The following IGF1R variants were observed in gnomAD, a reference collection of about 807,000 sequenced individuals.
IGF1R encodes the protein insulin-like growth factor 1 receptor.
In IGF1R, 44 loss-of-function variants were observed where a neutral mutation model predicts 144.6. The ratio of observed to expected loss-of-function variants is 0.30; its 90% CI spans 0.24 to 0.39. IGF1R has a LOEUF of 0.39. Ranked by LOEUF, IGF1R falls within the 10% of genes least tolerant of loss-of-function variation. The probability of loss-of-function intolerance (pLI) is 1.00; values close to 1 mark genes in which losing one functional copy is unlikely to be tolerated. For missense variants in IGF1R, 1,355 were observed against 1,833.7 expected (o/e 0.74, Z 4.77); for synonymous variants, 795 against 722.8 (o/e 1.10, Z -1.60).
chr15:98,719,078 T>C (rs1349094163), intron 2 of IGF1R, among the ~76,000 whole-genome samples: 1 of 152,242 alleles, frequency 6.6e-6, no homozygotes, highest in African/African-American at 2.4e-5. Flanking sequence ...ATATTTTTGT[T>C]CTCTTCCTCA....
chr15:98,902,499 C>T (rs2014534349), intron 5 of IGF1R, among the ~76,000 whole-genome samples: 1 of 150,816 alleles, frequency 6.6e-6, no homozygotes, highest in African/African-American at 2.4e-5. Flanking sequence ...CTCACTGCAC[C>T]CTCTGCCTCC....
chr15:98,909,022 C>G, intron 6 of IGF1R, 123 bp downstream of exon 6: 1 of 814,300 alleles, frequency 1.2e-6, no homozygotes, highest in Non-Finnish European at 2.1e-6. Context: ...GACCACTAGA[C>G]CATCTTAACT....
At chr15:98,893,779 C>G (rs1168975133) in intron 3 of IGF1R, among the ~76,000 whole-genome samples, 1 of 152,194 alleles carries the variant, frequency 6.6e-6, no homozygotes, top group Admixed American at 6.5e-5. Context: ...GAGAATTGAG[C>G]CATTATTTCC....
chr15:98,818,995 C>G (rs1206806150), intron 2 of IGF1R, among the ~76,000 whole-genome samples: 1 of 152,106 alleles, frequency 6.6e-6, no homozygotes, highest in Non-Finnish European at 1.5e-5. Flanking sequence ...GTGGAGGCTT[C>G]CATTCCTGAG....
chr15:98,686,559 T>G (rs1222352774), intron 1 of IGF1R, among the ~76,000 whole-genome samples: 1 of 152,242 alleles, frequency 6.6e-6, no homozygotes, highest in Non-Finnish European at 1.5e-5. Flanking sequence ...TATTTTTATT[T>G]ATTTTTTTAA....
chr15:98,942,790 T>C, intron 18 of IGF1R, 133 bp from the exon 19 acceptor site: 4 of 1,114,320 alleles, frequency 3.6e-6, no homozygotes. Context: ...CCCTAATATT[T>C]GGCCACCTTA....
intron 2 of IGF1R, among the ~76,000 whole-genome samples, chr15:98,782,362 T>C (rs1596300809): frequency 1.3e-5 from 2 of 152,128 alleles, no homozygotes; most frequent in South Asian, 4.1e-4. Context: ...ATTTTTATGT[T>C]TTTTTTACAA....
At chr15:98,862,431 C>CATTT (rs1376868658) in intron 2 of IGF1R, among the ~76,000 whole-genome samples, 4 of 152,192 alleles carry the variant, frequency 2.6e-5, no homozygotes, top group Admixed American at 6.5e-5. Context: ...AAATGCTAGG[C>CATTT]AATATGTCAG....
chr15:98,913,571 G>A (rs1050475416), intron 8 of IGF1R, among the ~76,000 whole-genome samples: 6 of 152,186 alleles, frequency 3.9e-5, no homozygotes, highest in South Asian at 4.1e-4. Context: ...GGAAACAGCC[G>A]TCTTCAGCTG....
At chr15:98,767,111 T>G (rs1313091923) in intron 2 of IGF1R, among the ~76,000 whole-genome samples, 2 of 152,240 alleles carry the variant, frequency 1.3e-5, no homozygotes, top group South Asian at 4.1e-4. Flanking sequence ...ATTCATTTAT[T>G]TTTTTCCATC....
chr15:98,939,347 A>G lies in IGF1R; in HGVS notation c.3444A>G (p.Thr1148=). The G allele has an allele frequency of 1.2e-6, 2 of 1,614,136 alleles. No homozygotes were observed. Among genetic ancestry groups the G allele is most frequent in the Non-Finnish European group, 1.7e-6 (2 of 1,180,006 alleles). Residue 1148 remains threonine (T), a synonymous_variant, in exon 18 of 21, where the codon ACA becomes ACG. Transcript: ENST00000650285. ...ARNCMVAEDF[T]VKIGDFGMTR... ...ATTGCATGGTAGCCGAAGATTTCACAGTCAAAATCGGAGGTGTGTCCTTAG... is the reference window on the plus strand; with the variant it reads ...ATTGCATGGTAGCCGAAGATTTCACGGTCAAAATCGGAGGTGTGTCCTTAG...
chr15:98,959,514 G>A lies in IGF1R; in HGVS notation c.*2072G>A, dbSNP rs2017141575. On this transcript the variant is annotated 3_prime_UTR_variant, in exon 21 of 21. Transcript: ENST00000650285. ...GGCTGTGCCCGCTGGAGTGCTAGGT[G>A]GAGGCAGCACAGACGCCACGGTGGC... 3 of 233,554 alleles carry A rather than the reference G, an allele frequency of 1.3e-5. No homozygotes were observed. Among genetic ancestry groups the A allele is most frequent in the East Asian group, 6.0e-5 (1 of 16,592 alleles). 14.5% of individuals were successfully genotyped at this position (233,554 alleles called of 1,614,324 possible). A position where few individuals can be genotyped will look rare whatever the true frequency, so the allele number is the denominator to read the frequency against.
Position 98,649,525 on chromosome 15 carries a change from C to CTTTTTTT in IGF1R, c.-39_-33dup, listed in dbSNP as rs544674838. On this transcript the variant is annotated 5_prime_UTR_variant, in exon 1 of 21. Coordinates refer to ENST00000650285, the MANE Select transcript of IGF1R (RefSeq NM_000875.5). The stretch of plus-strand genomic sequence containing the variant: ...TCATTTCCTTTTTTTCTTTTCTTTT[C>CTTTTTTT]TTTTTTTTTTTTTTTTTTTTTTTTG... 3.1e-4 allele frequency: 226 copies of CTTTTTTT among 726,162 alleles called. 1 individual carries two copies. Among genetic ancestry groups the CTTTTTTT allele is most frequent in the South Asian group, 1.1e-3 (59 of 56,168 alleles). The allele number at this position is 726,162 out of a possible 1,614,324, so 45.0% of individuals were successfully genotyped here.
chr15:98,783,209 G>T (rs934192909), intron 2 of IGF1R, among the ~76,000 whole-genome samples: 1 of 152,106 alleles, frequency 6.6e-6, no homozygotes, highest in Non-Finnish European at 1.5e-5. Flanking sequence ...TCCTCCAATA[G>T]TAACATTTTG....
At chr15:98,800,570 A>T (rs542206685) in intron 2 of IGF1R, among the ~76,000 whole-genome samples, 1 of 152,304 alleles carries the variant, frequency 6.6e-6, no homozygotes, top group East Asian at 1.9e-4. Context: ...TTCCTTTAAT[A>T]ACACGCTGGG....
chr15:98,871,584 T>C (rs1328633945), intron 2 of IGF1R, among the ~76,000 whole-genome samples: 1 of 152,168 alleles, frequency 6.6e-6, no homozygotes, highest in Non-Finnish European at 1.5e-5. Flanking sequence ...GAAAGAAGTT[T>C]ATTGGACTCA....
In IGF1R at chr15:98,697,389, C is replaced by T. The variant is rs568081010; in HGVS notation, c.95-10173C>T. On this transcript the variant is annotated intron_variant, in intron 1 of 20. Transcript: ENST00000650285. ...CGGGCGTCCACCTGCTCCGCCACCT[C>T]TGCCTGCTTGTGGCTGTGTGCCCAG... is the stretch of plus-strand genomic sequence containing the variant. 8.5e-5 allele frequency among the ~76,000 whole-genome samples: 13 copies of T among 152,340 alleles called. No individual in the cohort carries two copies. In the East Asian group the frequency reaches 2.5e-3, roughly 29 times the overall value.
chr15:98,819,368 G>A (rs55812331), intron 2 of IGF1R, among the ~76,000 whole-genome samples: 57,722 of 152,068 alleles, frequency 0.38, 13,103 homozygotes, highest in Admixed American at 0.48. Flanking sequence ...ATCACCATGT[G>A]ATGATATTAG....
intron 2 of IGF1R, among the ~76,000 whole-genome samples, chr15:98,779,062 A>G (rs748290162): frequency 2.6e-5 from 4 of 152,244 alleles, no homozygotes; most frequent in South Asian, 4.1e-4. Flanking sequence ...TCACTGTCAG[A>G]TAATTGAGCG....
Sources: allele counts gnomAD v4.1 joint callset (sites outside exome capture counted in the v4.1 genomes callset), GRCh38; gene constraint gnomAD v4.1.1; transcripts MANE v1.5; gene names NCBI Gene and HGNC (gene_info 2026-07-23, HGNC 2026-07-21).